LRRIQ3: variants seen among roughly 807,000 people sequenced by gnomAD.
LRRIQ3 encodes the protein leucine rich repeats and IQ motif containing 3.
Under a neutral mutation model 59.3 loss-of-function variants are expected in LRRIQ3, and 75 were observed. The ratio of observed to expected loss-of-function variants is 1.26; its 90% CI spans 1.05 to 1.53. LRRIQ3 has a LOEUF of 1.53. Among genes scored for constraint, LRRIQ3 ranks in the 40% most tolerant of loss-of-function variants. The pLI is 0.00. For synonymous variants in LRRIQ3, 250 were observed against 231.3 expected (o/e 1.08, Z -0.73); for missense variants, 831 against 710.0 (o/e 1.17, Z -1.94).
intron 6 of LRRIQ3, among the ~76,000 whole-genome samples, chr1:74,052,261 T>C (rs563667593): frequency 6.6e-6 from 1 of 152,198 alleles, no homozygotes; most frequent in South Asian, 2.1e-4. Context: ...TTTTGAGCCA[T>C]TGGACAGCTA....
chr1:74,046,732 G>A (rs1282306144), intron 6 of LRRIQ3, among the ~76,000 whole-genome samples: 2 of 151,980 alleles, frequency 1.3e-5, no homozygotes, highest in Non-Finnish European at 2.9e-5. Flanking sequence ...AATCTACAAA[G>A]AGCTTAAACA....
chr1:74,140,855 T>A (rs529295331), intron 4 of LRRIQ3, among the ~76,000 whole-genome samples: 57 of 151,874 alleles, frequency 3.8e-4, no homozygotes, highest in African/African-American at 1.3e-3. Flanking sequence ...TTACAACTAA[T>A]CCCACTCTTC....
Position 74,119,719 on chromosome 1 carries a change from T to A in LRRIQ3, c.708-10166A>T, listed in dbSNP as rs138881184. On this transcript the variant is annotated intron_variant, in intron 4 of 7. Transcript: ENST00000354431. ...CCACCAAATTAAAATAATACTCCTATCCTACTTTGAGATTCCCTTATATAC... is the reference window on the plus strand; with the variant it reads ...CCACCAAATTAAAATAATACTCCTAACCTACTTTGAGATTCCCTTATATAC... Among the ~76,000 whole-genome samples the A allele has an allele frequency of 9.2e-5, 14 of 152,256 alleles. No homozygotes were observed. In the East Asian group the frequency reaches 2.7e-3, roughly 30 times the overall value.
intron 4 of LRRIQ3, among the ~76,000 whole-genome samples, chr1:74,154,240 C>CAAACAAAAAAAAA (rs1648176929): frequency 1.6e-4 from 9 of 57,278 alleles, no homozygotes; most frequent in African/African-American, 6.6e-4. Context: ...GACTCCTTCT[C>CAAACAAAAAAAAA]AAAAAAAAAA....
intron 3 of LRRIQ3, among the ~76,000 whole-genome samples, chr1:74,159,744 T>C (rs1266027730): frequency 6.6e-6 from 1 of 152,130 alleles, no homozygotes; most frequent in African/African-American, 2.4e-5. Flanking sequence ...ATTACAGGCA[T>C]ATAAAATAAA....
intron 6 of LRRIQ3, among the ~76,000 whole-genome samples, chr1:74,069,161 C>G (rs534396319): frequency 6.6e-6 from 1 of 152,014 alleles, no homozygotes; most frequent in Admixed American, 6.6e-5. Context: ...TATGTAACAG[C>G]TGGCACTTTC....
intron 5 of LRRIQ3, among the ~76,000 whole-genome samples, chr1:74,076,210 A>G (rs1192944547): frequency 2.0e-5 from 3 of 152,268 alleles, no homozygotes; most frequent in Non-Finnish European, 2.9e-5. Context: ...TTCTTTGGTA[A>G]GAAACACTGA....
At chr1:74,060,334 ACCT>A (rs1557597854) in intron 6 of LRRIQ3, among the ~76,000 whole-genome samples, 2 of 78,556 alleles carry the variant, frequency 2.5e-5, no homozygotes, top group Admixed American at 1.4e-4. Context: ...CTCCTCTTCC[ACCT>A]CCTCCTCCTT....
chr1:74,108,908 A>C, intron 5 of LRRIQ3: 1 of 409,978 alleles, frequency 2.4e-6, no homozygotes, highest in South Asian at 1.8e-5. Context: ...ACAGAGAATA[A>C]GTTACATACC....
In LRRIQ3 at chr1:74,183,460, G is replaced by T; in HGVS notation, c.225C>A (p.Ile75=). Reference sequence around the variant, plus strand: ...CCTGATTTCCATGGAGATCAAGTTTGATTAATTTTATACAACTTTGAAGTG... The same window carrying T: ...CCTGATTTCCATGGAGATCAAGTTTTATTAATTTTATACAACTTTGAAGTG... The part of the protein sequence containing the change: ...IHPLQSCIKL[I]KLDLHGNQIK... Residue 75 remains isoleucine (I), a synonymous_variant, in exon 2 of 8, where the codon ATC becomes ATA. Transcript: ENST00000354431. 1 of 1,591,070 alleles carries T rather than the reference G, an allele frequency of 6.3e-7. No homozygotes were observed. The highest frequency in any genetic ancestry group is 1.1e-5 in the South Asian group (1 of 87,138).
chr1:74,135,721 T>C (rs1000460334), intron 4 of LRRIQ3, among the ~76,000 whole-genome samples: 2 of 151,954 alleles, frequency 1.3e-5, no homozygotes, highest in African/African-American at 2.4e-5. Context: ...TAAAACATTA[T>C]GAGATGTAGC....
At chr1:74,157,795 C>T (rs1005311554) in intron 3 of LRRIQ3, among the ~76,000 whole-genome samples, 4 of 152,104 alleles carry the variant, frequency 2.6e-5, no homozygotes, top group South Asian at 2.1e-4. Flanking sequence ...TTTTTAATCT[C>T]TACACATCCT....
chr1:74,130,335 A>G (rs1484530498), intron 4 of LRRIQ3, among the ~76,000 whole-genome samples: 1 of 152,100 alleles, frequency 6.6e-6, no homozygotes, highest in Non-Finnish European at 1.5e-5. Context: ...TGCACATTCC[A>G]TGAGCACTGG....
At position 74,183,097 on chromosome 1, in the gene LRRIQ3, T is replaced by G. The variant is rs547900249; in HGVS notation, c.250-236A>C. On this transcript the variant is annotated intron_variant, in intron 2 of 7. Coordinates refer to ENST00000354431, the MANE Select transcript of LRRIQ3 (RefSeq NM_001105659.2). ...AGTAAAATGCATAACCATACTTTTT[T>G]GTTCAAAGAAAATTTCTTTGTAATA... 465 of 334,240 alleles carry G rather than the reference T, an allele frequency of 1.4e-3. 1 individual carries two copies. The highest frequency in any genetic ancestry group is 2.2e-3 in the Non-Finnish European group (402 of 186,890). 20.7% of individuals were successfully genotyped at this position (334,240 alleles called of 1,614,324 possible).
At chr1:74,188,601 T>C (rs544287720) in intron 1 of LRRIQ3, among the ~76,000 whole-genome samples, 16 of 152,300 alleles carry the variant, frequency 1.1e-4, no homozygotes, top group African/African-American at 3.6e-4. Context: ...TACATATTTA[T>C]ATATGTTATT....
intron 4 of LRRIQ3, among the ~76,000 whole-genome samples, chr1:74,121,868 A>G (rs1646862539): frequency 6.6e-6 from 1 of 151,656 alleles, no homozygotes; most frequent in Non-Finnish European, 1.5e-5. Flanking sequence ...TTTGCTGAGA[A>G]TGATGGTTTC....
chr1:74,151,628 T>G (rs183208002), intron 4 of LRRIQ3, among the ~76,000 whole-genome samples: 104 of 152,134 alleles, frequency 6.8e-4, no homozygotes, highest in Admixed American at 1.8e-3. Flanking sequence ...GTGAATACAA[T>G]AAATAAAAAG....
At chr1:74,146,496 C>G (rs1030683610) in intron 4 of LRRIQ3, among the ~76,000 whole-genome samples, 1 of 151,784 alleles carries the variant, frequency 6.6e-6, no homozygotes, top group African/African-American at 2.4e-5. Flanking sequence ...ATGAACTGAT[C>G]GATAAAAATT....
At chr1:74,075,768 T>TATC (rs1482037005) in intron 5 of LRRIQ3, among the ~76,000 whole-genome samples, 2 of 152,118 alleles carry the variant, frequency 1.3e-5, no homozygotes, top group Non-Finnish European at 2.9e-5. Context: ...TTCATCAGGT[T>TATC]ATCAGGGACA....
Sources: gnomAD v4.1 joint callset for allele counts (sites outside exome capture counted in the v4.1 genomes callset) on GRCh38, gnomAD v4.1.1 for gene constraint, MANE v1.5 for transcripts, NCBI Gene and HGNC (gene_info 2026-07-23, HGNC 2026-07-21) for gene names.